The following CAMKK1 variants were observed in gnomAD, a reference collection of about 807,000 sequenced individuals.
CAMKK1 encodes the protein calcium/calmodulin dependent protein kinase kinase 1, also known as calcium/calmodulin-dependent protein kinase kinase 1.
In CAMKK1, 20 loss-of-function variants were observed where a neutral mutation model predicts 63.5. The observed-to-expected ratio is 0.32, with a 90% confidence interval of 0.22 to 0.46. The LOEUF is 0.46. Among genes scored for constraint, CAMKK1 ranks in the 20% least tolerant of loss-of-function variants. The pLI is 1.00. For missense variants in CAMKK1, 588 were observed against 658.1 expected (o/e 0.89, Z 1.17); for synonymous variants, 253 against 269.0 (o/e 0.94, Z 0.58).
At chr17:3,864,851 G>A (rs1265970383) in intron 15 of CAMKK1, among the ~76,000 whole-genome samples, 1 of 152,156 alleles carries the variant, frequency 6.6e-6, no homozygotes, top group East Asian at 1.9e-4. Context: ...GAGGGGTCCC[G>A]ACCCTTCTGA....
chr17:3,884,535 G>C lies in CAMKK1; in HGVS notation c.361-108C>G. The C allele has an allele frequency of 9.8e-7, 1 of 1,016,948 alleles. No individual in the cohort carries two copies. The highest frequency in any genetic ancestry group is 1.4e-6 in the Non-Finnish European group (1 of 689,682). The allele number at this position is 1,016,948 out of a possible 1,614,324, so 63.0% of individuals were successfully genotyped here. A position where few individuals can be genotyped will look rare whatever the true frequency, so the allele number is the denominator to read the frequency against. ...TCTGGCCATAAGCTCCTCATTCCCG[G>C]ACCCCCAGGTCTCACCAAGCTTTTG... On this transcript the variant is annotated intron_variant, in intron 2 of 15. Coordinates refer to ENST00000348335, the MANE Select transcript of CAMKK1 (RefSeq NM_032294.3). The surrounding 1 kb of genome is among the most constrained non-coding windows in gnomAD (Gnocchi z 4.5).
chr17:3,883,900 C>A lies in CAMKK1; in HGVS notation c.446G>T (p.Ser149Ile). ...CAGACTCACATAGTGTCTGTCTTCA[C>A]TTTCGTTGTAGGCCAGCCTCACCAC... is the stretch of plus-strand genomic sequence containing the variant. The part of the protein sequence containing the change: ...YGVVRLAYNE[S>I]EDRHYAMKVL... The change falls in exon 4 of 16, where the codon AGT (serine) becomes ATT (isoleucine). Residue 149 changes from serine to isoleucine, a missense_variant. Ser to Ile is a moderately radical substitution (Grantham distance 142). Coordinates refer to ENST00000348335, the MANE Select transcript of CAMKK1 (RefSeq NM_032294.3). The surrounding 1 kb of genome is among the most constrained non-coding windows in gnomAD (Gnocchi z 4.7). The A allele has an allele frequency of 6.2e-7, 1 of 1,613,906 alleles. No homozygotes were observed. Among genetic ancestry groups the A allele is most frequent in the Non-Finnish European group, 8.5e-7 (1 of 1,179,960 alleles).
intron 1 of CAMKK1, among the ~76,000 whole-genome samples, chr17:3,888,736 C>G (rs1022636218): frequency 6.6e-6 from 1 of 152,232 alleles, no homozygotes. Context: ...CCCTCCCTCC[C>G]GCCTGGATCA....
chr17:3,887,126 G>A lies in CAMKK1; in HGVS notation c.-43-1396C>T, dbSNP rs2055687961. ...AGTCCACCGGCCACTGAGGAGCCAGGACTGGGTTCCAGTCCTGCCTGCTGA... is the reference window on the plus strand; with the variant it reads ...AGTCCACCGGCCACTGAGGAGCCAGAACTGGGTTCCAGTCCTGCCTGCTGA... On this transcript the variant is annotated intron_variant, in intron 1 of 15. Transcript: ENST00000348335. The surrounding 1 kb of genome is among the most constrained non-coding windows in gnomAD (Gnocchi z 6.1). Among the ~76,000 whole-genome samples, 1 of 152,102 alleles carries A rather than the reference G, an allele frequency of 6.6e-6. No individual in the cohort carries two copies. The highest frequency in any genetic ancestry group is 6.5e-5 in the Admixed American group (1 of 15,280).
rs775605090 is a variant in CAMKK1 at position 3,869,561 on chromosome 17, GCTC to G, written c.1264_1266del (p.Glu422del). On this transcript the variant is annotated inframe_deletion, in exon 14 of 16. Coordinates refer to ENST00000348335, the MANE Select transcript of CAMKK1 (RefSeq NM_032294.3). ...TCTGTCACCTCCACCACGCTGCAGT[GCTC>G]CTCCTCCGAAGGAAGGGGCTCCTCC... is the stretch of plus-strand genomic sequence containing the variant. The G allele has an allele frequency of 2.5e-6, 4 of 1,614,114 alleles. No individual in the cohort carries two copies. Among genetic ancestry groups the G allele is most frequent in the Non-Finnish European group, 3.4e-6 (4 of 1,180,040 alleles).
chr17:3,877,644 G>A (rs1274683897), intron 9 of CAMKK1, among the ~76,000 whole-genome samples: 1 of 152,140 alleles, frequency 6.6e-6, no homozygotes. Flanking sequence ...GAGAAGGCGG[G>A]TGCCGTATAA....
intron 12 of CAMKK1, among the ~76,000 whole-genome samples, chr17:3,870,784 T>A (rs779775155): frequency 1.3e-5 from 2 of 152,052 alleles, no homozygotes; most frequent in Non-Finnish European, 2.9e-5. Flanking sequence ...AGATGCTTCA[T>A]CCCTTTTAAA....
chr17:3,877,462 C>T (rs1434103681), intron 9 of CAMKK1, among the ~76,000 whole-genome samples: 1 of 152,176 alleles, frequency 6.6e-6, no homozygotes, highest in Non-Finnish European at 1.5e-5. Flanking sequence ...AAGGTCCCAG[C>T]CAAGAGAGAC....
chr17:3,869,161 G>A (rs905746512), intron 14 of CAMKK1, among the ~76,000 whole-genome samples: 3 of 138,044 alleles, frequency 2.2e-5, no homozygotes, highest in African/African-American at 5.4e-5. Context: ...GTAGAGTCGG[G>A]GTTTCAAGGA....
At chr17:3,880,107 C>CAGACCCACAGGACCAGACACGACGA (rs2055340589) in intron 9 of CAMKK1, 1 of 554,508 alleles carries the variant, frequency 1.8e-6, no homozygotes, top group Non-Finnish European at 3.2e-6. Context: ...AGCCAGGACT[C>CAGACCCACAGGACCAGACACGACGA]AGACCCACAG....
chr17:3,864,535 C>T (rs555873365), intron 15 of CAMKK1, among the ~76,000 whole-genome samples: 101 of 152,094 alleles, frequency 6.6e-4, no homozygotes, highest in Non-Finnish European at 1.3e-3. Context: ...CGTGAGCCAC[C>T]GCACCCGGCC....
In CAMKK1 at chr17:3,882,179, C is replaced by A; in HGVS notation, c.685+349G>T. 1.0e-6 allele frequency: 1 copy of A among 957,918 alleles called. No individual in the cohort carries two copies. The highest frequency in any genetic ancestry group is 1.6e-6 in the Non-Finnish European group (1 of 617,730). 59.3% of individuals were successfully genotyped at this position (957,918 alleles called of 1,614,324 possible). On this transcript the variant is annotated intron_variant, in intron 7 of 15. Coordinates refer to ENST00000348335, the MANE Select transcript of CAMKK1 (RefSeq NM_032294.3). This position sits in a 1 kb window ranked among gnomAD's most constrained non-coding sequence, Gnocchi z 4.3. ...CCTATGAGGTAGACACCACTAGTAT[C>A]CCTGTTTTATAGGTGGGAAAACTGA...
chr17:3,871,333 G>GGTTTTTTTTTTTGTTTTTGTTTTTTT (rs1567617833), intron 12 of CAMKK1, among the ~76,000 whole-genome samples: 1 of 111,006 alleles, frequency 9.0e-6, no homozygotes, highest in African/African-American at 3.2e-5. Flanking sequence ...GTTGTTTTTT[G>GGTTTTTTTTTTTGTTTTTGTTTTTTT]TTTTTTTTTT....
At chr17:3,869,721 T>C in intron 13 of CAMKK1, 80 bp downstream of exon 13, 1 of 1,591,110 alleles carries the variant, frequency 6.3e-7, no homozygotes, top group East Asian at 2.2e-5. Context: ...ACATGCATCC[T>C]GGTGTTGATC....
intron 12 of CAMKK1, among the ~76,000 whole-genome samples, chr17:3,870,945 AG>A (rs1317398333): frequency 6.6e-5 from 10 of 152,122 alleles, no homozygotes; most frequent in Non-Finnish European, 1.2e-4. Context: ...CGGGAAAGGG[AG>A]TGAGGCGGCC....
In CAMKK1 at chr17:3,889,201, T is replaced by C. The variant is rs1257715665; in HGVS notation, c.-43-3471A>G. Among the ~76,000 whole-genome samples, 6 of 152,120 alleles carry C rather than the reference T, an allele frequency of 3.9e-5. No individual in the cohort carries two copies. Among genetic ancestry groups the C allele is most frequent in the Admixed American group, 2.0e-4 (3 of 15,284 alleles). On this transcript the variant is annotated intron_variant, in intron 1 of 15. Transcript: ENST00000348335. This position sits in a 1 kb window ranked among gnomAD's most constrained non-coding sequence, Gnocchi z 5.2. Reference sequence around the variant, plus strand: ...CCCCGGGCGGAAACCCAGGCCCATCTGGAGGCTCACACAGGGGGTGTCTCA... The same window carrying C: ...CCCCGGGCGGAAACCCAGGCCCATCCGGAGGCTCACACAGGGGGTGTCTCA...
intron 1 of CAMKK1, among the ~76,000 whole-genome samples, chr17:3,888,888 C>T (rs1359625241): frequency 1.3e-5 from 2 of 151,468 alleles, no homozygotes. Flanking sequence ...AATATGTGTG[C>T]GCAGGCTGTG....
rs183003735 is a variant in CAMKK1, at chr17:3,869,246, C to T, written c.1341+241G>A. Among the ~76,000 whole-genome samples the T allele has an allele frequency of 4.7e-3, 710 of 152,256 alleles. 10 individuals carry two copies. The highest frequency in any genetic ancestry group is 0.015 in the African/African-American group (638 of 41,546). ...TGCTGGGATTACAGGCGTGAGCCAC[C>T]GCGCCCGGCCCCACGCCCGCTATTT... On this transcript the variant is annotated intron_variant, in intron 14 of 15. Coordinates refer to ENST00000348335, the MANE Select transcript of CAMKK1 (RefSeq NM_032294.3).
In CAMKK1 at chr17:3,887,887, G is replaced by A. The variant is rs189928961; in HGVS notation, c.-43-2157C>T. The stretch of plus-strand genomic sequence containing the variant: ...CCCCTCCGCCCCTTCCCCTCACTCC[G>A]CATGCCTTGTTTTTCCCTCCCGAAT... On this transcript the variant is annotated intron_variant, in intron 1 of 15. Coordinates refer to ENST00000348335, the MANE Select transcript of CAMKK1 (RefSeq NM_032294.3). This position sits in a 1 kb window ranked among gnomAD's most constrained non-coding sequence, Gnocchi z 6.1. 1.1e-4 allele frequency among the ~76,000 whole-genome samples: 16 copies of A among 152,050 alleles called. No individual in the cohort carries two copies. In the East Asian group the frequency reaches 1.2e-3, roughly 11 times the overall value.
Sources: gnomAD v4.1 joint callset for allele counts (sites outside exome capture counted in the v4.1 genomes callset) on GRCh38, gnomAD v4.1.1 for gene constraint, Gnocchi (gnomAD v3.1) non-coding constraint, MANE v1.5 for transcripts, NCBI Gene and HGNC (gene_info 2026-07-23, HGNC 2026-07-21) for gene names.